Variants in FAF1 observed in about 807,000 individuals in gnomAD.
FAF1 encodes the protein Fas associated factor 1, also known as FAS-associated factor 1.
A neutral mutation model predicts 92.5 loss-of-function variants in FAF1; 25 were observed. The observed-to-expected ratio is 0.27, with a 90% CI of 0.20 to 0.38. The LOEUF is 0.38. Ranked by LOEUF, FAF1 falls within the 10% of genes least tolerant of loss-of-function variation. The pLI is 1.00. For synonymous variants in FAF1, 234 were observed against 273.2 expected (o/e 0.86, Z 1.42); for missense variants, 636 against 793.3 (o/e 0.80, Z 2.38).
intron 1 of FAF1, among the ~76,000 whole-genome samples, chr1:50,957,741 A>C (rs926586632): frequency 1.3e-5 from 2 of 152,192 alleles, no homozygotes; most frequent in Admixed American, 1.3e-4. Flanking sequence ...TCCTTTAGCC[A>C]ATATAAGGTT....
chr1:50,718,332 TC>T (rs1373254702), intron 6 of FAF1, among the ~76,000 whole-genome samples: 6 of 152,172 alleles, frequency 3.9e-5, no homozygotes, highest in African/African-American at 1.4e-4. Context: ...CCGGCCACAA[TC>T]CACTTTTAAT....
intron 8 of FAF1, among the ~76,000 whole-genome samples, chr1:50,620,444 T>C (rs1434433379): frequency 6.6e-6 from 1 of 152,228 alleles, no homozygotes; most frequent in Non-Finnish European, 1.5e-5. Context: ...GACTATTTCA[T>C]CTTTCAGCTC....
At chr1:50,711,375 T>A (rs2124434996) in intron 6 of FAF1, among the ~76,000 whole-genome samples, 1 of 152,292 alleles carries the variant, frequency 6.6e-6, no homozygotes, top group Non-Finnish European at 1.5e-5. Context: ...GTTTTAGTTC[T>A]ATCCCCTGGC....
intron 4 of FAF1, among the ~76,000 whole-genome samples, chr1:50,770,515 A>C (rs1405344626): frequency 2.6e-5 from 4 of 152,228 alleles, no homozygotes; most frequent in African/African-American, 9.6e-5. Flanking sequence ...AGTAGCCACA[A>C]GGAAATGCAA....
intron 12 of FAF1, among the ~76,000 whole-genome samples, chr1:50,571,413 T>C (rs1030065864): frequency 6.6e-6 from 1 of 152,204 alleles, no homozygotes; most frequent in African/African-American, 2.4e-5. Flanking sequence ...AAATGGGTTG[T>C]TGTAAGCATC....
At chr1:50,704,848 T>A (rs1657607942) in intron 7 of FAF1, among the ~76,000 whole-genome samples, 1 of 152,030 alleles carries the variant, frequency 6.6e-6, no homozygotes, top group African/African-American at 2.4e-5. Context: ...TAACACAATA[T>A]AAAAAAGGAA....
chr1:50,752,663 G>A (rs1378620212), intron 4 of FAF1, among the ~76,000 whole-genome samples: 1 of 151,622 alleles, frequency 6.6e-6, no homozygotes, highest in African/African-American at 2.4e-5. Flanking sequence ...CTTACTTTGG[G>A]TTTGATTTGC....
Position 50,893,539 on chromosome 1 carries a change from ACTCT to A in FAF1, c.46-35546_46-35543del, listed in dbSNP as rs138929786. ...CACACTTTCTCCCAAACAAATGGAG[ACTCT>A]CTCTCTCTCTCTCTGTACTGAGTTG... is the stretch of plus-strand genomic sequence containing the variant. On this transcript the variant is annotated intron_variant, in intron 1 of 18. Coordinates refer to ENST00000396153, the MANE Select transcript of FAF1 (RefSeq NM_007051.3). 9.5e-5 allele frequency among the ~76,000 whole-genome samples: 14 copies of A among 146,774 alleles called. 1 individual carries two copies. Among genetic ancestry groups the A allele is most frequent in the East Asian group, 4.0e-4 (2 of 5,002 alleles).
intron 1 of FAF1, among the ~76,000 whole-genome samples, chr1:50,890,361 A>T (rs540042995): frequency 0.01 from 1,564 of 152,272 alleles, 107 homozygotes; most frequent in Admixed American, 0.096. Context: ...GCCCATTTAC[A>T]TTTAAGGTTA....
intron 4 of FAF1, among the ~76,000 whole-genome samples, chr1:50,762,993 T>C (rs1271903292): frequency 6.6e-6 from 1 of 152,124 alleles, no homozygotes. Context: ...CGTTGGCTCA[T>C]ACCTGTAATC....
chr1:50,869,705 T>G (rs1644511179), intron 1 of FAF1, among the ~76,000 whole-genome samples: 1 of 152,196 alleles, frequency 6.6e-6, no homozygotes, highest in African/African-American at 2.4e-5. Context: ...GTTTTCCAAT[T>G]TACCTACCTA....
intron 4 of FAF1, among the ~76,000 whole-genome samples, chr1:50,781,304 G>GA (rs1172895918): frequency 2.1e-4 from 29 of 135,818 alleles, no homozygotes; most frequent in African/African-American, 2.7e-4. Context: ...ACTTCAAAAA[G>GA]AAAAAAAAAA....
chr1:50,769,453 C>T (rs368118564), intron 4 of FAF1, among the ~76,000 whole-genome samples: 1 of 152,162 alleles, frequency 6.6e-6, no homozygotes, highest in African/African-American at 2.4e-5. Flanking sequence ...ATGAGGCCAG[C>T]ATCATCCTGA....
At chr1:50,446,079 G>A (rs572349768) in intron 18 of FAF1, among the ~76,000 whole-genome samples, 3 of 152,250 alleles carry the variant, frequency 2.0e-5, no homozygotes, top group East Asian at 1.9e-4. Context: ...GCCACACTGC[G>A]AATCCTGGAA....
intron 12 of FAF1, among the ~76,000 whole-genome samples, chr1:50,580,615 T>G (rs1650946000): frequency 6.6e-6 from 1 of 151,944 alleles, no homozygotes; most frequent in African/African-American, 2.4e-5. Context: ...CATATAATAT[T>G]AAAAGGTAAA....
In FAF1 at chr1:50,475,665, G is replaced by A. The variant is rs759049557; in HGVS notation, c.1668C>T (p.Ser556=). ...QEEEREAIRL[S]LEQALPPEPK... ...GCTCAGGAGGCAGGGCTTGCTCTAA[G>A]GACAGCCGGATGGCCTAGGGAGAGC... Residue 556 remains serine (S), a synonymous_variant, in exon 18 of 19, where the codon TCC becomes TCT. Transcript: ENST00000396153. The A allele has an allele frequency of 4.3e-6, 7 of 1,613,598 alleles. No homozygotes were observed. The highest frequency in any genetic ancestry group is 1.7e-5 in the Admixed American group (1 of 59,984).
chr1:50,934,524 A>G (rs1362240238), intron 1 of FAF1, among the ~76,000 whole-genome samples: 2 of 152,108 alleles, frequency 1.3e-5, no homozygotes, highest in African/African-American at 4.8e-5. Flanking sequence ...GAAGTTTGAG[A>G]CCAGCCTGGG....
At chr1:50,932,073 C>A (rs938832777) in intron 1 of FAF1, among the ~76,000 whole-genome samples, 5 of 151,600 alleles carry the variant, frequency 3.3e-5, no homozygotes, top group African/African-American at 1.2e-4. Flanking sequence ...CGGGTCCCTC[C>A]CACAACATGT....
chr1:50,502,387 A>G (rs1647002350), intron 15 of FAF1, among the ~76,000 whole-genome samples: 1 of 152,218 alleles, frequency 6.6e-6, no homozygotes, highest in Admixed American at 6.5e-5. Flanking sequence ...GAAACTACCC[A>G]TTCATAGCTT....
Sources: gnomAD v4.1 joint callset for allele counts (sites outside exome capture counted in the v4.1 genomes callset) on GRCh38, gnomAD v4.1.1 for gene constraint, MANE v1.5 for transcripts, NCBI Gene and HGNC (gene_info 2026-07-23, HGNC 2026-07-21) for gene names.